The following PHF14 variants were observed in gnomAD, a reference collection of about 807,000 sequenced individuals.
The protein encoded by PHF14 is PHD finger protein 14.
In PHF14, 55 loss-of-function variants were observed where a neutral mutation model predicts 117.9. That is an observed-to-expected ratio of 0.47 (90% CI 0.38 to 0.58). PHF14 has a LOEUF of 0.58. PHF14 is among the 20% of genes least tolerant of loss of function. The pLI, the probability that PHF14 is intolerant of heterozygous loss-of-function variation, is 0.00. For synonymous variants in PHF14, 409 were observed against 368.6 expected (o/e 1.11, Z -1.26); for missense variants, 978 against 1,122.2 (o/e 0.87, Z 1.84).
chr7:11,096,107 A>G (rs992750056), intron 16 of PHF14, among the ~76,000 whole-genome samples: 2 of 151,888 alleles, frequency 1.3e-5, no homozygotes, highest in African/African-American at 4.8e-5. Context: ...CCTTAATCAC[A>G]TGGTTTTCCC....
intron 17 of PHF14, among the ~76,000 whole-genome samples, chr7:11,128,070 T>G (rs1787979324): frequency 6.6e-6 from 1 of 152,074 alleles, no homozygotes; most frequent in Non-Finnish European, 1.5e-5. Context: ...ACTGCCCAAC[T>G]TCTCAAGATT....
At chr7:10,994,008 CAAAAA>C (rs1166211936) in intron 4 of PHF14, among the ~76,000 whole-genome samples, 1 of 81,988 alleles carries the variant, frequency 1.2e-5, no homozygotes, top group Admixed American at 1.4e-4. Context: ...GACTCTGTCT[CAAAAA>C]AAAAAAAAAA....
At chr7:11,040,873 A>G in intron 12 of PHF14, 98 bp downstream of exon 12, 1 of 562,522 alleles carries the variant, frequency 1.8e-6, no homozygotes, top group East Asian at 3.3e-5. Context: ...AGAATGAATT[A>G]TGTCCATACC....
At chr7:11,086,097 T>G (rs1330040653) in intron 16 of PHF14, among the ~76,000 whole-genome samples, 21 of 152,202 alleles carry the variant, frequency 1.4e-4, no homozygotes, top group Admixed American at 1.4e-3. Context: ...GTGCTTATTC[T>G]CCTTCATCAA....
intron 6 of PHF14, among the ~76,000 whole-genome samples, chr7:11,023,320 G>T (rs116589995): frequency 0.012 from 1,796 of 152,272 alleles, 39 homozygotes; most frequent in African/African-American, 0.041. Flanking sequence ...TTTTGAAGTG[G>T]AATTTGTCAA....
At chr7:11,010,426 T>A (rs965680363) in intron 4 of PHF14, among the ~76,000 whole-genome samples, 1 of 152,060 alleles carries the variant, frequency 6.6e-6, no homozygotes, top group Non-Finnish European at 1.5e-5. Context: ...TCTTGTGTGT[T>A]ATAGTCTAAC....
chr7:11,144,814 A>G (rs1015494844), intron 17 of PHF14, among the ~76,000 whole-genome samples: 1 of 151,812 alleles, frequency 6.6e-6, no homozygotes, highest in Non-Finnish European at 1.5e-5. Context: ...TATGAACCTT[A>G]AGAACATTTT....
At chr7:11,009,219 C>A (rs1411968727) in intron 4 of PHF14, among the ~76,000 whole-genome samples, 1 of 152,020 alleles carries the variant, frequency 6.6e-6, no homozygotes, top group African/African-American at 2.4e-5. Flanking sequence ...AATAACTAAG[C>A]TTCAGAGATT....
chr7:11,068,222 G>A (rs1373095101), intron 16 of PHF14, among the ~76,000 whole-genome samples: 1 of 151,256 alleles, frequency 6.6e-6, no homozygotes, highest in Non-Finnish European at 1.5e-5. Flanking sequence ...ATGGTGGTGG[G>A]CACCAGTAGT....
At position 11,130,107 on chromosome 7, in the gene PHF14, T is replaced by C. The variant is rs772301763; in HGVS notation, c.2772+18640T>C. On this transcript the variant is annotated intron_variant, in intron 17 of 17. Coordinates refer to ENST00000634607, the MANE Select transcript of PHF14 (RefSeq NM_001007157.2). The surrounding 1 kb of genome is among the most constrained non-coding windows in gnomAD (Gnocchi z 4.2). ...GAGCAGCTCTGCTCATTATAGTCACTTGGGGACCCGAGCTGATGGAGGTTT... is the reference window on the plus strand; with the variant it reads ...GAGCAGCTCTGCTCATTATAGTCACCTGGGGACCCGAGCTGATGGAGGTTT... 1.3e-5 allele frequency among the ~76,000 whole-genome samples: 2 copies of C among 152,036 alleles called. No individual in the cohort carries two copies. Among genetic ancestry groups the C allele is most frequent in the African/African-American group, 2.4e-5 (1 of 41,416 alleles).
At position 11,132,267 on chromosome 7, in the gene PHF14, G is replaced by A. The variant is rs114680266; in HGVS notation, c.2772+20800G>A. On this transcript the variant is annotated intron_variant, in intron 17 of 17. Transcript: ENST00000634607. The stretch of plus-strand genomic sequence containing the variant: ...TCTACTTGCCCATTTTCTTCCCACT[G>A]ATAACCAGGGTTTTGTTCTGTCTGT... Among the ~76,000 whole-genome samples the A allele has an allele frequency of 8.0e-3, 1,192 of 149,798 alleles. 12 individuals are homozygous for A. Among genetic ancestry groups the A allele is most frequent in the African/African-American group, 0.028 (1,135 of 40,896 alleles).
At chr7:11,138,233 G>T (rs1788293431) in intron 17 of PHF14, among the ~76,000 whole-genome samples, 1 of 151,914 alleles carries the variant, frequency 6.6e-6, no homozygotes, top group African/African-American at 2.4e-5. Flanking sequence ...AGTAGAGGCA[G>T]GGTTTCACCG....
In PHF14 at chr7:10,983,178, T is replaced by C. The variant is rs1210374660; in HGVS notation, c.900+19T>C. Reference sequence around the variant, plus strand: ...TAATGAGGTAGATCAACCCAATTTTTATATCTGTCTGTCTGGGGAAAAGGG... The same window carrying C: ...TAATGAGGTAGATCAACCCAATTTTCATATCTGTCTGTCTGGGGAAAAGGG... On this transcript the variant is annotated intron_variant, in intron 3 of 17. Transcript: ENST00000634607. 6.4e-7 allele frequency: 1 copy of C among 1,569,628 alleles called. No individual in the cohort carries two copies. Among genetic ancestry groups the C allele is most frequent in the Non-Finnish European group, 8.6e-7 (1 of 1,164,684 alleles).
At chr7:11,101,157 T>G (rs568672060) in intron 16 of PHF14, among the ~76,000 whole-genome samples, 1 of 152,024 alleles carries the variant, frequency 6.6e-6, no homozygotes, top group African/African-American at 2.4e-5. Context: ...TGTAGGGATA[T>G]TAGCAATAGC....
At position 11,031,703 on chromosome 7, in the gene PHF14, A is replaced by G. The variant is rs141533922; in HGVS notation, c.1455+2885A>G. On this transcript the variant is annotated intron_variant, in intron 7 of 17. Coordinates refer to ENST00000634607, the MANE Select transcript of PHF14 (RefSeq NM_001007157.2). The stretch of plus-strand genomic sequence containing the variant: ...CGGGAGTTTGAGGCTGCATTGAACT[A>G]TGTTCTCACCACTGCACTCAGCCTG... 3.4e-4 allele frequency among the ~76,000 whole-genome samples: 52 copies of G among 152,138 alleles called. 1 individual carries two copies. Among genetic ancestry groups the G allele is most frequent in the African/African-American group, 1.3e-3 (52 of 41,530 alleles).
Position 10,990,816 on chromosome 7 carries a change from G to A in PHF14, c.1014G>A (p.Gln338=), listed in dbSNP as rs1309758924. The A allele has an allele frequency of 2.5e-6, 4 of 1,591,398 alleles. No homozygotes were observed. Among genetic ancestry groups the A allele is most frequent in the East Asian group, 4.5e-5 (2 of 44,368 alleles). Residue 338 remains glutamine, a synonymous_variant, in exon 4 of 18, where the codon CAG becomes CAA. Transcript: ENST00000634607. The stretch of plus-strand genomic sequence containing the variant: ...GTGAGGACGCTGATGAAATAATTCA[G>A]TGTGACAATTGTGGCATTACAGTCC... ...DNSEDADEII[Q]CDNCGITVHE... is the part of the protein sequence containing the mutation.
At chr7:10,979,351 A>G (rs1209647295) in intron 2 of PHF14, among the ~76,000 whole-genome samples, 1 of 152,128 alleles carries the variant, frequency 6.6e-6, no homozygotes, top group Non-Finnish European at 1.5e-5. Context: ...GTTAGTTGAA[A>G]TAGCTGTTGC....
chr7:10,974,257 C>A lies in PHF14; in HGVS notation c.-67C>A. The A allele has an allele frequency of 1.4e-6, 2 of 1,448,392 alleles. No homozygotes were observed. Among genetic ancestry groups the A allele is most frequent in the Non-Finnish European group, 9.5e-7 (1 of 1,051,176 alleles). 89.7% of individuals were successfully genotyped at this position (1,448,392 alleles called of 1,614,324 possible). On this transcript the variant is annotated 5_prime_UTR_variant, in exon 1 of 18. Transcript: ENST00000634607. ...TCTTCGCGGCCCCAGTCCCCGACCTCGGCGCTGCCTGGGCTCCTGCAGCCT... is the reference window on the plus strand; with the variant it reads ...TCTTCGCGGCCCCAGTCCCCGACCTAGGCGCTGCCTGGGCTCCTGCAGCCT...
chr7:11,162,826 C>T (rs903562682), intron 17 of PHF14, among the ~76,000 whole-genome samples: 1 of 151,656 alleles, frequency 6.6e-6, no homozygotes, highest in Non-Finnish European at 1.5e-5. Flanking sequence ...GCCGGGATTA[C>T]AGGCACACAC....
Sources: gnomAD v4.1 joint callset for allele counts (sites outside exome capture counted in the v4.1 genomes callset) on GRCh38, gnomAD v4.1.1 for gene constraint, Gnocchi (gnomAD v3.1) non-coding constraint, MANE v1.5 for transcripts, NCBI Gene and HGNC (gene_info 2026-07-23, HGNC 2026-07-21) for gene names.